Variants in SRGAP1 observed in about 807,000 individuals in gnomAD.
SRGAP1 encodes the protein SLIT-ROBO Rho GTPase-activating protein 1.
In SRGAP1, 43 loss-of-function variants were observed where a neutral mutation model predicts 121.9. The observed-to-expected ratio is 0.35, with a 90% CI of 0.28 to 0.46. The LOEUF is 0.46. Among genes scored for constraint, SRGAP1 ranks in the 20% least tolerant of loss-of-function variants. The pLI is 1.00. For missense variants in SRGAP1, 1,102 were observed against 1,350.9 expected (o/e 0.82, Z 2.89); for synonymous variants, 447 against 485.4 (o/e 0.92, Z 1.04).
intron 1 of SRGAP1, among the ~76,000 whole-genome samples, chr12:63,932,697 AGACCCAAG>A (rs1565956056): frequency 6.6e-6 from 1 of 152,248 alleles, no homozygotes; most frequent in East Asian, 1.9e-4. Flanking sequence ...AGTCTGCAGA[AGACCCAAG>A]GAAATTGATT....
chr12:63,904,393 A>C (rs1420615684), intron 1 of SRGAP1, among the ~76,000 whole-genome samples: 1 of 152,078 alleles, frequency 6.6e-6, no homozygotes, highest in Non-Finnish European at 1.5e-5. Flanking sequence ...TGTTCTATTG[A>C]TTGGAATGCG....
intron 16 of SRGAP1, 30 bp downstream of exon 16, chr12:64,109,067 C>A: frequency 1.4e-6 from 2 of 1,393,362 alleles, no homozygotes; most frequent in Admixed American, 2.0e-5. Flanking sequence ...GACAAAAGGC[C>A]CATCTGAATT....
chr12:64,067,792 A>T (rs915617413), intron 8 of SRGAP1, among the ~76,000 whole-genome samples: 8 of 152,046 alleles, frequency 5.3e-5, no homozygotes, highest in Admixed American at 4.6e-4. Flanking sequence ...TTGAGAGCCA[A>T]GTTAAGGAGT....
At chr12:64,091,953 G>A in intron 12 of SRGAP1, 2 of 1,528,438 alleles carry the variant, frequency 1.3e-6, no homozygotes, top group Non-Finnish European at 1.8e-6. Flanking sequence ...ACGTGAGGGT[G>A]CTCTTTCACT....
intron 4 of SRGAP1, among the ~76,000 whole-genome samples, chr12:64,027,544 T>C (rs921653989): frequency 6.6e-6 from 1 of 151,656 alleles, no homozygotes; most frequent in Non-Finnish European, 1.5e-5. Context: ...AGGCACAGAG[T>C]TGGGAAAAAG....
intron 1 of SRGAP1, among the ~76,000 whole-genome samples, chr12:63,896,791 G>A (rs1194972292): frequency 6.6e-6 from 1 of 152,182 alleles, no homozygotes; most frequent in Non-Finnish European, 1.5e-5. Context: ...TTTCTTTAAG[G>A]CAACATTTCC....
At chr12:63,897,900 C>G (rs1306384125) in intron 1 of SRGAP1, among the ~76,000 whole-genome samples, 2 of 151,942 alleles carry the variant, frequency 1.3e-5, no homozygotes, top group East Asian at 3.9e-4. Context: ...ATATAGGAGT[C>G]AGAGAAAAAG....
intron 3 of SRGAP1, among the ~76,000 whole-genome samples, chr12:64,012,743 G>A (rs1267149952): frequency 1.3e-5 from 2 of 151,398 alleles, no homozygotes; most frequent in South Asian, 2.1e-4. Context: ...TAGAGATGGA[G>A]TTTCCCCATA....
chr12:64,026,037 G>C (rs964022197), intron 4 of SRGAP1, among the ~76,000 whole-genome samples: 1 of 151,722 alleles, frequency 6.6e-6, no homozygotes, highest in Non-Finnish European at 1.5e-5. Flanking sequence ...TGATATTTAA[G>C]AATTAGTTAT....
Position 64,142,610 on chromosome 12 carries a change from A to T in SRGAP1, c.3196A>T (p.Asn1066Tyr). Residue 1066 changes from asparagine to tyrosine, a missense_variant, in exon 22 of 22, where the codon AAT (asparagine) becomes TAT (tyrosine). Physicochemically the swap from Asn to Tyr is moderately radical, Grantham distance 143 (BLOSUM62 -2). Around this residue, in one of 3 missense-constraint regions of SRGAP1, gnomAD observed 315 missense variants for 343.1 expected, o/e 0.92. Transcript: ENST00000355086. ...RPKPAVLPKTNPTIGPAPPPQ... is the reference protein window; with the variant it reads ...RPKPAVLPKTYPTIGPAPPPQ... ...AAAACCTGCTGTTCTTCCAAAAACA[A>T]ATCCTACCATAGGACCTGCCCCACC... 1 of 1,614,182 alleles carries T rather than the reference A, an allele frequency of 6.2e-7. No individual in the cohort carries two copies. Among genetic ancestry groups the T allele is most frequent in the Non-Finnish European group, 8.5e-7 (1 of 1,180,038 alleles).
intron 3 of SRGAP1, among the ~76,000 whole-genome samples, chr12:63,998,636 T>G (rs1279618140): frequency 6.6e-6 from 1 of 152,196 alleles, no homozygotes; most frequent in African/African-American, 2.4e-5. Flanking sequence ...ATTTATATTC[T>G]TTTTCATCAT....
intron 1 of SRGAP1, among the ~76,000 whole-genome samples, chr12:63,853,054 T>A (rs911086369): frequency 1.4e-4 from 21 of 151,672 alleles, no homozygotes; most frequent in Admixed American, 3.3e-4. Context: ...AGTTTCACTC[T>A]TGTTGCCCAG....
chr12:64,140,668 T>C (rs2036941964), intron 21 of SRGAP1, among the ~76,000 whole-genome samples: 1 of 139,858 alleles, frequency 7.2e-6, no homozygotes, highest in Admixed American at 7.3e-5. Context: ...TTTTACACTG[T>C]TGGTGGGACT....
At chr12:63,952,723 A>G (rs1336706556) in intron 1 of SRGAP1, among the ~76,000 whole-genome samples, 1 of 152,194 alleles carries the variant, frequency 6.6e-6, no homozygotes, top group Non-Finnish European at 1.5e-5. Context: ...AGCCCTTACA[A>G]AGAGCCCTGA....
In SRGAP1 at chr12:64,151,802, A is replaced by G. The variant is rs2136665103; in HGVS notation, c.*9130A>G. 6.6e-6 allele frequency: 1 copy of G among 152,310 alleles called. No homozygotes were observed. The highest frequency in any genetic ancestry group is 2.1e-4 in the South Asian group (1 of 4,820). 9.4% of individuals were successfully genotyped at this position (152,310 alleles called of 1,614,324 possible). ...AGATGACTCTTTATTGTTTCAGCTAAACATCAGCAAACAGAGATTTTCCTC... is the reference window on the plus strand; with the variant it reads ...AGATGACTCTTTATTGTTTCAGCTAGACATCAGCAAACAGAGATTTTCCTC... On this transcript the variant is annotated 3_prime_UTR_variant, in exon 22 of 22. Coordinates refer to ENST00000355086, the MANE Select transcript of SRGAP1 (RefSeq NM_020762.4).
In SRGAP1 at chr12:63,888,219, A is replaced by G. The variant is rs142361330; in HGVS notation, c.67+43336A>G. 1,397 of 152,328 alleles carry G rather than the reference A, an allele frequency of 9.2e-3. 13 individuals carry two copies. The highest frequency in any genetic ancestry group is 0.014 in the Non-Finnish European group (973 of 68,044). 9.4% of individuals were successfully genotyped at this position (152,328 alleles called of 1,614,324 possible). A position where few individuals can be genotyped will look rare whatever the true frequency, so the allele number is the denominator to read the frequency against. ...GTTCTCTTCTCCAAGGGGAGCTGCT[A>G]GGTCTTTAACCTTTCACACAGCTTC... is the stretch of plus-strand genomic sequence containing the variant. On this transcript the variant is annotated intron_variant, in intron 1 of 21. Transcript: ENST00000355086.
chr12:63,944,901 C>T (rs554265985), intron 1 of SRGAP1, among the ~76,000 whole-genome samples: 1 of 152,286 alleles, frequency 6.6e-6, no homozygotes, highest in South Asian at 2.1e-4. Flanking sequence ...GCTGTCACCC[C>T]ACCCGGGCAG....
chr12:64,003,597 G>A (rs2033981968), intron 3 of SRGAP1, among the ~76,000 whole-genome samples: 1 of 151,704 alleles, frequency 6.6e-6, no homozygotes, highest in Non-Finnish European at 1.5e-5. Flanking sequence ...AGCTAACAGA[G>A]GGAAGAATCA....
chr12:64,094,486 T>C lies in SRGAP1; in HGVS notation c.1540-446T>C, dbSNP rs186731055. 3.7e-4 allele frequency among the ~76,000 whole-genome samples: 56 copies of C among 152,320 alleles called. No individual in the cohort carries two copies. In the East Asian group the frequency reaches 0.01, roughly 28 times the overall value. On this transcript the variant is annotated intron_variant, in intron 12 of 21. Transcript: ENST00000355086. The stretch of plus-strand genomic sequence containing the variant: ...AATTCTCATATTATGCATCTATAGA[T>C]ATATAGATATGGAAGCCCTTTTATG...
Sources: gnomAD v4.1 joint callset for allele counts (sites outside exome capture counted in the v4.1 genomes callset) on GRCh38, gnomAD v4.1.1 for gene constraint, gnomAD v4.1.1 regional missense constraint, MANE v1.5 for transcripts, NCBI Gene and HGNC (gene_info 2026-07-23, HGNC 2026-07-21) for gene names.